SPTBN2: variants seen among roughly 807,000 people sequenced by gnomAD.
The protein encoded by SPTBN2 is spectrin beta, non-erythrocytic 2.
In SPTBN2, 107 loss-of-function variants were observed where a neutral mutation model predicts 284.2. The ratio of observed to expected loss-of-function variants is 0.38; its 90% CI spans 0.32 to 0.44. SPTBN2 has a LOEUF of 0.44. Ranked by LOEUF, SPTBN2 falls within the 20% of genes least tolerant of loss-of-function variation. SPTBN2 has a pLI of 1.00. For synonymous variants in SPTBN2, 1,289 were observed against 1,354.8 expected, an observed-to-expected ratio of 0.95 and a Z score of 1.07; for missense variants, 2,569 against 3,287.1, an observed-to-expected ratio of 0.78 and a Z score of 5.34.
chr11:66,688,844 C>G lies in SPTBN2; in HGVS notation c.6040G>C (p.Glu2014Gln). Reference protein sequence around the residue: ...EKMDWLQLVLEVLVFGRDAGM... With the variant: ...EKMDWLQLVLQVLVFGRDAGM... Reference sequence around the variant, plus strand: ...GCATCTCTTCCAAACACAAGCACCTCCAAAACTGGCAGGATCGGGGGTTGC... The same window carrying G: ...GCATCTCTTCCAAACACAAGCACCTGCAAAACTGGCAGGATCGGGGGTTGC... Residue 2014 changes from glutamate to glutamine, a missense_variant, in exon 31 of 38, where the codon GAG becomes CAG. By Grantham distance (29) the Glu-to-Gln change is conservative. Coordinates refer to ENST00000533211, the MANE Select transcript of SPTBN2 (RefSeq NM_006946.4). 1 of 1,611,878 alleles carries G rather than the reference C, an allele frequency of 6.2e-7. No individual in the cohort carries two copies. The highest frequency in any genetic ancestry group is 8.5e-7 in the Non-Finnish European group (1 of 1,179,998).
At position 66,713,582 on chromosome 11, in the gene SPTBN2, C is replaced by T. The variant is rs373005519; in HGVS notation, c.772+49G>A. 26 of 1,501,836 alleles carry T rather than the reference C, an allele frequency of 1.7e-5. No individual in the cohort carries two copies. In the Middle Eastern group the frequency reaches 5.8e-4, roughly 34 times the overall value. 93.0% of individuals were successfully genotyped at this position (1,501,836 alleles called of 1,614,324 possible). A position where few individuals can be genotyped will look rare whatever the true frequency, so the allele number is the denominator to read the frequency against. The stretch of plus-strand genomic sequence containing the variant: ...GCAGCCCCTGGCAACCACTGGTCCA[C>T]CTCCTGTCTCTACCCTACCACCTCT... On this transcript the variant is annotated intron_variant, in intron 8 of 37. Coordinates refer to ENST00000533211, the MANE Select transcript of SPTBN2 (RefSeq NM_006946.4).
Position 66,686,254 on chromosome 11 carries a change from G to C in SPTBN2, c.6939+144C>G, listed in dbSNP as rs901517001. ...TGTGGCCGGCTTAGACAGGGAGTGC[G>C]GCCTGGTGCGGCCGTCGCACACATC... On this transcript the variant is annotated intron_variant, in intron 37 of 37. Coordinates refer to ENST00000533211, the MANE Select transcript of SPTBN2 (RefSeq NM_006946.4). The C allele has an allele frequency of 8.0e-6, 11 of 1,372,256 alleles. No homozygotes were observed. The Admixed American group carries it at 1.7e-4, about 21-fold the overall frequency. 85.0% of individuals were successfully genotyped at this position (1,372,256 alleles called of 1,614,324 possible).
rs1301475580 is a variant in SPTBN2, at chr11:66,682,850, C to T, written c.*3021G>A. The stretch of plus-strand genomic sequence containing the variant: ...TGATCTCGGCTCACTGTAACCTCTG[C>T]TTCCCAGGTTCAAGCAATGCTCCTG... On this transcript the variant is annotated 3_prime_UTR_variant, in exon 38 of 38. Transcript: ENST00000533211. 2.0e-5 allele frequency among the ~76,000 whole-genome samples: 3 copies of T among 151,862 alleles called. No homozygotes were observed. Among genetic ancestry groups the T allele is most frequent in the African/African-American group, 4.8e-5 (2 of 41,290 alleles).
Position 66,708,009 on chromosome 11 carries a change from G to A in SPTBN2, c.1350+132C>T. 6.7e-7 allele frequency: 1 copy of A among 1,490,282 alleles called. No homozygotes were observed. Among genetic ancestry groups the A allele is most frequent in the Non-Finnish European group, 9.3e-7 (1 of 1,080,822 alleles). The allele number at this position is 1,490,282 out of a possible 1,614,324, so 92.3% of individuals were successfully genotyped here. The stretch of plus-strand genomic sequence containing the variant: ...CCCACCCTCTGGCCCCTGGCTCCCG[G>A]ACCTCTAGGCCTTTTTACCCAGGTG... On this transcript the variant is annotated intron_variant, in intron 12 of 37. Transcript: ENST00000533211. This position sits in a 1 kb window ranked among gnomAD's most constrained non-coding sequence, Gnocchi z 4.4.
At chr11:66,744,675 T>C (rs1474628586), upstream of SPTBN2, 7 of 569,864 alleles carry the variant, frequency 1.2e-5, 1 homozygote, top group Middle Eastern at 6.5e-4. Flanking sequence ...CCCTGCAGCG[T>C]CGAGTGCGCA....
chr11:66,725,516 G>C (rs567027384), intron 1 of SPTBN2, among the ~76,000 whole-genome samples: 3 of 152,064 alleles, frequency 2.0e-5, no homozygotes, highest in Non-Finnish European at 4.4e-5. Context: ...TTCCTCAGTC[G>C]GCCAGCAGCC....
chr11:66,705,613 C>A (rs1941501295), intron 14 of SPTBN2, 71 bp downstream of exon 14: 21 of 1,604,362 alleles, frequency 1.3e-5, no homozygotes, highest in Non-Finnish European at 4.2e-6. Flanking sequence ...GGTTTCCCAA[C>A]CCTTCCACCT....
chr11:66,705,741 C>A lies in SPTBN2; in HGVS notation c.1750G>T (p.Ala584Ser). The A allele has an allele frequency of 6.2e-7, 1 of 1,612,688 alleles. No homozygotes were observed. Among genetic ancestry groups the A allele is most frequent in the East Asian group, 2.2e-5 (1 of 44,882 alleles). Residue 584 changes from alanine to serine, a missense_variant, in exon 14 of 38, where the codon GCC becomes TCC. Transcript: ENST00000533211. ...ELVEADIAVQAERVRAVSASA... is the reference protein window; with the variant it reads ...ELVEADIAVQSERVRAVSASA... ...GCGCTGACGGCCCGCACCCTCTCGG[C>A]CTGCACGGCGATGTCTGCCTCCACC... is the stretch of plus-strand genomic sequence containing the variant.
Position 66,687,300 on chromosome 11 carries a change from A to G in SPTBN2, c.6722+127T>C, listed in dbSNP as rs1281876850. On this transcript the variant is annotated intron_variant, in intron 35 of 37. Coordinates refer to ENST00000533211, the MANE Select transcript of SPTBN2 (RefSeq NM_006946.4). The surrounding 1 kb of genome is among the most constrained non-coding windows in gnomAD (Gnocchi z 5.2). ...CTTCACACCCTCTGGTCCTCCCCTG[A>G]GGCCCCGCTCTGGTCCCAAGTCCTA... The G allele has an allele frequency of 1.3e-6, 2 of 1,551,330 alleles. No homozygotes were observed. Among genetic ancestry groups the G allele is most frequent in the Non-Finnish European group, 1.8e-6 (2 of 1,140,848 alleles).
At chr11:66,742,973 C>T (rs564418849) in intron 1 of SPTBN2, among the ~76,000 whole-genome samples, 14 of 152,204 alleles carry the variant, frequency 9.2e-5, no homozygotes, top group Admixed American at 3.3e-4. Context: ...AAAATAGTGA[C>T]GATAACAATT....
In SPTBN2 at chr11:66,693,058, G is replaced by A; in HGVS notation, c.4897C>T (p.Leu1633=). 1 of 1,614,004 alleles carries A rather than the reference G, an allele frequency of 6.2e-7. No individual in the cohort carries two copies. Among genetic ancestry groups the A allele is most frequent in the Non-Finnish European group, 8.5e-7 (1 of 1,180,040 alleles). The change falls in exon 25 of 38, where the codon CTG becomes TTG. Residue 1633 remains leucine, a synonymous_variant. Coordinates refer to ENST00000533211, the MANE Select transcript of SPTBN2 (RefSeq NM_006946.4). The surrounding 1 kb of genome is among the most constrained non-coding windows in gnomAD (Gnocchi z 5.7). ...GCGTAGTCGGCCAGGGCTTGCTCCA[G>A]CACCTGGTGCTTCTTCACCTCTGCC... ...AQAEVKKHQV[L]EQALADYAQT... is the part of the protein sequence containing the mutation.
intron 36 of SPTBN2, 200 bp downstream of exon 36, chr11:66,686,794 G>A: frequency 1.4e-6 from 1 of 727,082 alleles, no homozygotes; most frequent in South Asian, 1.7e-5. Flanking sequence ...TCAGGCCTGG[G>A]TCTTGGTTCT....
At chr11:66,730,229 C>T (rs1167421975), upstream of SPTBN2, among the ~76,000 whole-genome samples, 1 of 152,164 alleles carries the variant, frequency 6.6e-6, no homozygotes, top group African/African-American at 2.4e-5. Context: ...GAGGCACCAA[C>T]CTGTGCATGA....
intron 1 of SPTBN2, among the ~76,000 whole-genome samples, chr11:66,726,491 G>C (rs186219723): frequency 6.6e-6 from 1 of 152,350 alleles, no homozygotes; most frequent in East Asian, 1.9e-4. Context: ...ATGAGAAGCA[G>C]CTGGAATTGG....
At chr11:66,716,655 A>G (rs1437318786) in intron 3 of SPTBN2, among the ~76,000 whole-genome samples, 7 of 152,292 alleles carry the variant, frequency 4.6e-5, no homozygotes, top group Admixed American at 3.3e-4. Flanking sequence ...TCTCATCTGT[A>G]AAATGGGAAC....
Position 66,718,595 on chromosome 11 carries a change from AC to A in SPTBN2, c.157+2488del, listed in dbSNP as rs773757005. ...GGCCTCATGCAGGCCGTTCCCGTGC[AC>A]CCTGCTCACTCCGTTCCCATTCATG... On this transcript the variant is annotated intron_variant, in intron 3 of 37. Transcript: ENST00000533211. The surrounding 1 kb of genome is among the most constrained non-coding windows in gnomAD (Gnocchi z 4.8). Among the ~76,000 whole-genome samples the A allele has an allele frequency of 1.3e-5, 2 of 152,090 alleles. No homozygotes were observed. Among genetic ancestry groups the A allele is most frequent in the African/African-American group, 2.4e-5 (1 of 41,396 alleles).
chr11:66,721,529 A>G (rs1942402075), intron 1 of SPTBN2, 89 bp from the exon 2 acceptor site: 2 of 476,440 alleles, frequency 4.2e-6, no homozygotes, highest in Admixed American at 3.3e-5. Context: ...AAAGGCTCCA[A>G]CGACTTCGGG....
rs778170822 is a variant in SPTBN2, at chr11:66,705,383, C to T, written c.1893G>A (p.Ala631=). ...ATTCCTCCAGCCGGGCCCGCCGCGC[C>T]GCTGCCAACTCGCACAGTGCCTCAT... ...QSYEALCELA[A]ARRARLEESR... Residue 631 remains alanine (A), a synonymous_variant, in exon 15 of 38, where the codon GCG becomes GCA. Coordinates refer to ENST00000533211, the MANE Select transcript of SPTBN2 (RefSeq NM_006946.4). 6.8e-6 allele frequency: 11 copies of T among 1,612,718 alleles called. No homozygotes were observed. The East Asian group carries it at 8.9e-5, about 13-fold the overall frequency.
chr11:66,708,205 C>T lies in SPTBN2; in HGVS notation c.1286G>A (p.Arg429His). ...CCGCATGGCAGCCTTGCGGTCGAAG[C>T]GGGCGGCCAGCTGCTCCAGCTTCTC... ...RQEKLEQLAA[R>H]FDRKAAMRET... is the part of the protein sequence containing the mutation. The change falls in exon 12 of 38, where the codon CGC becomes CAC. Residue 429 changes from arginine (R) to histidine (H), a missense_variant. Transcript: ENST00000533211. This position sits in a 1 kb window ranked among gnomAD's most constrained non-coding sequence, Gnocchi z 4.4. 6.2e-7 allele frequency: 1 copy of T among 1,611,942 alleles called. No individual in the cohort carries two copies. The highest frequency in any genetic ancestry group is 8.5e-7 in the Non-Finnish European group (1 of 1,179,134).
Sources: gnomAD v4.1 joint callset for allele counts (sites outside exome capture counted in the v4.1 genomes callset) on GRCh38, gnomAD v4.1.1 for gene constraint, Gnocchi (gnomAD v3.1) non-coding constraint, MANE v1.5 for transcripts, NCBI Gene and HGNC (gene_info 2026-07-23, HGNC 2026-07-21) for gene names.